FMR1NB: variants seen among roughly 807,000 people sequenced by gnomAD.
The protein encoded by FMR1NB is FMR1 neighbor protein.
In FMR1NB, 10 loss-of-function variants were observed where a neutral mutation model predicts 16.8. The ratio of observed to expected loss-of-function variants is 0.60; its 90% CI spans 0.37 to 1.01. The LOEUF (loss-of-function observed/expected upper bound fraction) is 1.01. Ranked by LOEUF, FMR1NB falls within the 50% of genes least tolerant of loss-of-function variation. FMR1NB has a pLI of 0.01. For synonymous variants in FMR1NB, 83 were observed against 79.1 expected (o/e 1.05, Z -0.26); for missense variants, 205 against 204.8 (o/e 1.00, Z 0.00).
At chrX:148,006,085 T>C (rs1557189060) in intron 2 of FMR1NB, among the ~76,000 whole-genome samples, 1 of 110,280 alleles carries the variant, frequency 9.1e-6, no homozygotes, top group East Asian at 2.8e-4. Context: ...GCAGGTCTTT[T>C]AGATTCAGGT....
intron 1 of FMR1NB, among the ~76,000 whole-genome samples, chrX:147,983,578 G>A (rs2044461962): frequency 1.8e-5 from 2 of 111,986 alleles, no homozygotes; most frequent in South Asian, 7.5e-4. Flanking sequence ...TAATTGGATC[G>A]TTTGTGGTTT....
At chrX:148,002,310 C>T (rs1338141242) in intron 1 of FMR1NB, among the ~76,000 whole-genome samples, 1 of 111,484 alleles carries the variant, frequency 9.0e-6, no homozygotes, top group African/African-American at 3.3e-5. Flanking sequence ...TTTTGGCCAT[C>T]AAATTGGCAA....
At chrX:148,025,978 G>A (rs2044701508) in intron 5 of FMR1NB, 2 of 110,638 alleles carry the variant, frequency 1.8e-5, no homozygotes, top group Admixed American at 1.9e-4. Flanking sequence ...TGAGAAGGTT[G>A]ATTTGATGAA....
chrX:148,001,488 C>T (rs1244158102), intron 1 of FMR1NB, among the ~76,000 whole-genome samples: 1 of 111,301 alleles, frequency 9.0e-6, no homozygotes, highest in Non-Finnish European at 1.9e-5. Flanking sequence ...GTTATTAAAA[C>T]ATAATGACAT....
chrX:148,001,577 C>T (rs1422114675), intron 1 of FMR1NB, among the ~76,000 whole-genome samples: 1 of 109,870 alleles, frequency 9.1e-6, no homozygotes, highest in Non-Finnish European at 1.9e-5. Flanking sequence ...TGGTGAAACC[C>T]CGTCTCTACT....
chrX:148,011,955 T>C (rs1557189665), intron 4 of FMR1NB, among the ~76,000 whole-genome samples: 1 of 111,796 alleles, frequency 8.9e-6, no homozygotes, highest in Non-Finnish European at 1.9e-5. Context: ...TGAAAAACTT[T>C]CTAAGAATTC....
At chrX:147,996,238 G>A (rs73608641) in intron 1 of FMR1NB, among the ~76,000 whole-genome samples, 16,394 of 111,373 alleles carry the variant, frequency 0.15, 1,636 homozygotes, top group African/African-American at 0.37. Flanking sequence ...AAAAATAAAC[G>A]ATGAAAGACA....
rs2044611888 is a variant in FMR1NB at position 148,009,193 on chromosome X, A to G, written c.632+482A>G. 2.7e-5 allele frequency among the ~76,000 whole-genome samples: 3 copies of G among 111,437 alleles called. No homozygotes were observed. In the Admixed American group the frequency reaches 2.9e-4, roughly 11 times the overall value. ...AGTGAAAATACGTCTCAAAAATAAAATAAAATGCGTGTTATTTTATTTTTC... is the reference window on the plus strand; with the variant it reads ...AGTGAAAATACGTCTCAAAAATAAAGTAAAATGCGTGTTATTTTATTTTTC... On this transcript the variant is annotated intron_variant, in intron 4 of 5. Coordinates refer to ENST00000370467, the MANE Select transcript of FMR1NB (RefSeq NM_152578.3).
At chrX:147,994,172 G>A (rs2044529944) in intron 1 of FMR1NB, among the ~76,000 whole-genome samples, 1 of 111,010 alleles carries the variant, frequency 9.0e-6, no homozygotes, top group African/African-American at 3.3e-5. Flanking sequence ...TAATCCCAAG[G>A]GCTTCTTTCT....
chrX:148,015,104 A>G (rs1402586579), intron 4 of FMR1NB, among the ~76,000 whole-genome samples: 1 of 111,524 alleles, frequency 9.0e-6, no homozygotes, highest in Non-Finnish European at 1.9e-5. Flanking sequence ...TTTACAATTT[A>G]TTGGCATATA....
At chrX:147,998,715 C>G (rs1174157068) in intron 1 of FMR1NB, among the ~76,000 whole-genome samples, 4 of 112,659 alleles carry the variant, frequency 3.6e-5, no homozygotes, top group African/African-American at 1.3e-4. Flanking sequence ...TTCAAATAAA[C>G]TCATAGCAAA....
At chrX:147,982,082 G>T (rs1381678978) in intron 1 of FMR1NB, among the ~76,000 whole-genome samples, 1 of 111,389 alleles carries the variant, frequency 9.0e-6, no homozygotes, top group Non-Finnish European at 1.9e-5. Flanking sequence ...TTGAGGTCAG[G>T]AGTCCAAACC....
At chrX:147,993,283 G>A (rs1231902356) in intron 1 of FMR1NB, among the ~76,000 whole-genome samples, 1 of 112,211 alleles carries the variant, frequency 8.9e-6, no homozygotes, top group Non-Finnish European at 1.9e-5. Context: ...GCGCGTGCCT[G>A]CAATCGCAGG....
chrX:147,998,100 C>T (rs1343494781), intron 1 of FMR1NB, among the ~76,000 whole-genome samples: 1 of 112,369 alleles, frequency 8.9e-6, no homozygotes, highest in Non-Finnish European at 1.9e-5. Context: ...AATCCCATTA[C>T]TGGGTATATA....
chrX:147,981,713 T>TGGGGGAGGGGGA, intron 1 of FMR1NB, 34 bp downstream of exon 1: 1 of 66,463 alleles, frequency 1.5e-5, no homozygotes, highest in East Asian at 2.8e-4. Flanking sequence ...AGGGAAATGC[T>TGGGGGAGGGGGA]GGGGGAGGGG....
intron 4 of FMR1NB, among the ~76,000 whole-genome samples, chrX:148,023,341 A>T (rs1349804896): frequency 8.9e-6 from 1 of 111,753 alleles, no homozygotes; most frequent in Non-Finnish European, 1.9e-5. Flanking sequence ...GCCCAGAGAC[A>T]TTTTTTTGAT....
At chrX:148,018,141 T>C (rs1298647338) in intron 4 of FMR1NB, among the ~76,000 whole-genome samples, 1 of 110,341 alleles carries the variant, frequency 9.1e-6, no homozygotes, top group Non-Finnish European at 1.9e-5. Context: ...GTTGAACTAG[T>C]TTACAGTCCC....
At chrX:148,018,947 G>T (rs1023181067) in intron 4 of FMR1NB, among the ~76,000 whole-genome samples, 5 of 111,400 alleles carry the variant, frequency 4.5e-5, no homozygotes, top group African/African-American at 1.6e-4. Flanking sequence ...CTAATATCCA[G>T]AATCTACAAT....
At chrX:147,993,173 G>A (rs909588447) in intron 1 of FMR1NB, among the ~76,000 whole-genome samples, 3 of 113,038 alleles carry the variant, frequency 2.7e-5, no homozygotes, top group East Asian at 2.8e-4. Flanking sequence ...CCGGCACCTC[G>A]GGAGGCCGAG....
Sources: gnomAD v4.1 joint callset for allele counts (sites outside exome capture counted in the v4.1 genomes callset) on GRCh38, gnomAD v4.1.1 for gene constraint, MANE v1.5 for transcripts, NCBI Gene and HGNC (gene_info 2026-07-23, HGNC 2026-07-21) for gene names.